The following POLK variants were observed in gnomAD, a reference collection of about 807,000 sequenced individuals.
POLK encodes polymerase (DNA directed) kappa.
In POLK, 76 loss-of-function variants were observed where a neutral mutation model predicts 94.0. That is an observed-to-expected ratio of 0.81 (90% confidence interval 0.67 to 0.98). The LOEUF is 0.98. Among genes scored for constraint, POLK ranks in the 50% least tolerant of loss-of-function variants. POLK has a pLI of 0.00. For missense variants in POLK, 954 were observed against 1,010.1 expected (o/e 0.94, Z 0.75); for synonymous variants, 349 against 325.4 (o/e 1.07, Z -0.78).
chr5:75,551,787 CA>C (rs1770348933), intron 2 of POLK, among the ~76,000 whole-genome samples: 1 of 152,150 alleles, frequency 6.6e-6, no homozygotes, highest in Non-Finnish European at 1.5e-5. Flanking sequence ...ATGGTTCAAC[CA>C]CTTTGGAAAA....
intron 6 of POLK, among the ~76,000 whole-genome samples, chr5:75,577,561 A>G (rs1771960534): frequency 6.6e-6 from 1 of 152,190 alleles, no homozygotes; most frequent in African/African-American, 2.4e-5. Flanking sequence ...TGTCAAAGGT[A>G]TGATTATGTC....
chr5:75,531,648 C>T (rs1318597290), intron 1 of POLK, among the ~76,000 whole-genome samples: 2 of 151,984 alleles, frequency 1.3e-5, no homozygotes, highest in African/African-American at 4.8e-5. Flanking sequence ...CAAAAATTAG[C>T]CAGGCGTGGT....
intron 1 of POLK, 56 bp downstream of exon 1, chr5:75,511,970 T>C: frequency 1.5e-6 from 1 of 678,744 alleles, no homozygotes. Flanking sequence ...AGTCGGTGGG[T>C]GGGCTTCGTT....
chr5:75,537,175 G>A (rs1365898849), intron 1 of POLK, among the ~76,000 whole-genome samples: 1 of 152,222 alleles, frequency 6.6e-6, no homozygotes, highest in Non-Finnish European at 1.5e-5. Flanking sequence ...TAACACTGGT[G>A]CTGATCTGCT....
chr5:75,563,356 C>T (rs1240556340), intron 3 of POLK, among the ~76,000 whole-genome samples: 1 of 152,074 alleles, frequency 6.6e-6, no homozygotes, highest in African/African-American at 2.4e-5. Flanking sequence ...AGCTCCTGAA[C>T]TCATTGATTT....
intron 3 of POLK, among the ~76,000 whole-genome samples, chr5:75,556,074 A>G (rs1267321701): frequency 6.6e-6 from 1 of 152,250 alleles, no homozygotes; most frequent in Non-Finnish European, 1.5e-5. Flanking sequence ...GTTTAGCTTT[A>G]TAAGAAACTG....
At chr5:75,543,956 TC>T (rs1180538178) in intron 1 of POLK, among the ~76,000 whole-genome samples, 2 of 152,108 alleles carry the variant, frequency 1.3e-5, no homozygotes, top group African/African-American at 4.8e-5. Context: ...AACTCAGACT[TC>T]CAAGTAGCTT....
chr5:75,530,966 C>T (rs573101067), intron 1 of POLK, among the ~76,000 whole-genome samples: 12 of 151,706 alleles, frequency 7.9e-5, no homozygotes, highest in South Asian at 2.1e-4. Context: ...CCACCATGCC[C>T]GGCTAATTTT....
At chr5:75,573,766 T>G in exon 5 of POLK, 1 of 1,613,172 alleles carries the variant, frequency 6.2e-7, no homozygotes, top group South Asian at 1.1e-5. Context: ...GCAAGGAGAT[T>G]TGGTGTTCGT....
At chr5:75,586,945 A>G (rs1015475009) in intron 9 of POLK, 81 bp from the exon 10 acceptor site, 2 of 931,902 alleles carry the variant, frequency 2.1e-6, no homozygotes, top group Non-Finnish European at 3.3e-6. Flanking sequence ...TCTAAAAGGT[A>G]ATTGATAATG....
intron 3 of POLK, among the ~76,000 whole-genome samples, chr5:75,557,586 G>C (rs77460998): frequency 0.056 from 8,481 of 152,178 alleles, 306 homozygotes; most frequent in East Asian, 0.18. Flanking sequence ...TGACTTAATG[G>C]TGGGATTATG....
chr5:75,595,248 G>GAAAAACAAAAAAAAAAAAAAA (rs1773007027), intron 12 of POLK, among the ~76,000 whole-genome samples: 1 of 24,878 alleles, frequency 4.0e-5, no homozygotes, highest in African/African-American at 1.1e-4. Context: ...CTCCACCTCA[G>GAAAAACAAAAAAAAAAAAAAA]AAAAAAAAAA....
intron 6 of POLK, among the ~76,000 whole-genome samples, chr5:75,578,941 A>T (rs1204923596): frequency 1.3e-5 from 2 of 152,164 alleles, no homozygotes; most frequent in Non-Finnish European, 2.9e-5. Flanking sequence ...CTTTAATCCT[A>T]GTGTTACATT....
At chr5:75,608,900 C>T in the POLK span, 12 of 152,242 alleles carry the variant, frequency 7.9e-5, no homozygotes, top group Middle Eastern at 0.01. Flanking sequence ...TGTATTAGCA[C>T]GCTTAGAATT....
At chr5:75,537,408 G>A (rs1167773362) in intron 1 of POLK, among the ~76,000 whole-genome samples, 1 of 152,224 alleles carries the variant, frequency 6.6e-6, no homozygotes. Context: ...CTGGCTCTGT[G>A]CTCAGCCCAG....
intron 2 of POLK, among the ~76,000 whole-genome samples, chr5:75,550,816 G>A (rs1450696145): frequency 6.6e-6 from 1 of 152,102 alleles, no homozygotes; most frequent in Admixed American, 6.6e-5. Flanking sequence ...ACTTTATGGT[G>A]GAAGGCTGAA....
chr5:75,595,897 A>G (rs533976235), intron 12 of POLK, among the ~76,000 whole-genome samples: 2 of 152,276 alleles, frequency 1.3e-5, no homozygotes, highest in Non-Finnish European at 2.9e-5. Context: ...TTCCTCTAAA[A>G]AATAAAGTCT....
At chr5:75,569,302 G>A in intron 3 of POLK, 38 bp from the exon 4 acceptor site, 1 of 1,425,060 alleles carries the variant, frequency 7.0e-7, no homozygotes, top group Non-Finnish European at 9.8e-7. Context: ...TCAATATTAT[G>A]TTGTCTAAAA....
chr5:75,607,323 C>T, the POLK span, among the ~76,000 whole-genome samples: 1 of 152,066 alleles, frequency 6.6e-6, no homozygotes, highest in East Asian at 1.9e-4. Context: ...AAAAAAGTAG[C>T]TGGGCGTGGT....
Sources: gnomAD v4.1 joint callset for allele counts (sites outside exome capture counted in the v4.1 genomes callset) on GRCh38, gnomAD v4.1.1 for gene constraint, MANE v1.5 for transcripts, NCBI Gene and HGNC (gene_info 2026-07-23, HGNC 2026-07-21) for gene names.